Variants in HERPUD2 observed in about 807,000 individuals in gnomAD.
HERPUD2 encodes the protein homocysteine-responsive endoplasmic reticulum-resident ubiquitin-like domain member 2 protein.
HERPUD2 carries 13 observed loss-of-function variants against 49.9 expected under a neutral mutation model. The observed-to-expected ratio is 0.26, with a 90% CI of 0.17 to 0.41. The LOEUF (loss-of-function observed/expected upper bound fraction) is 0.41. HERPUD2 is among the 10% of genes least tolerant of loss of function. The pLI is 1.00. For missense variants in HERPUD2, 449 were observed against 492.2 expected, an observed-to-expected ratio of 0.91 and a Z score of 0.83; for synonymous variants, 172 against 171.4, an observed-to-expected ratio of 1.00 and a Z score of -0.03.
chr7:35,675,084 G>T (rs187283249), intron 2 of HERPUD2, among the ~76,000 whole-genome samples: 3 of 152,142 alleles, frequency 2.0e-5, no homozygotes, highest in Admixed American at 6.5e-5. Flanking sequence ...ACATATGAAG[G>T]GGGGCAGTCT....
At chr7:35,649,831 G>A (rs1462367153) in intron 5 of HERPUD2, among the ~76,000 whole-genome samples, 1 of 152,150 alleles carries the variant, frequency 6.6e-6, no homozygotes, top group African/African-American at 2.4e-5. Context: ...CTTAAGGTCT[G>A]TGTTGATGTT....
chr7:35,633,718 G>A lies in HERPUD2; in HGVS notation c.1193C>T (p.Pro398Leu), dbSNP rs1180564001. Residue 398 changes from proline (P) to leucine (L), a missense_variant, in exon 9 of 9, where the codon CCA becomes CTA. Pro to Leu is a moderately conservative substitution (Grantham distance 98). Coordinates refer to ENST00000311350, the MANE Select transcript of HERPUD2 (RefSeq NM_022373.5). ...FITTFFTSLI[P>L]EGPPQVAN ...ATTGGCAACCTGGGGAGGCCCCTCT[G>A]GTATTAGTGAAGTAAAGAAGGTGGT... The A allele has an allele frequency of 6.2e-7, 1 of 1,613,816 alleles. No homozygotes were observed. Among genetic ancestry groups the A allele is most frequent in the Admixed American group, 1.7e-5 (1 of 59,996 alleles).
chr7:35,684,970 G>C (rs1466349305), intron 2 of HERPUD2, among the ~76,000 whole-genome samples: 10 of 152,124 alleles, frequency 6.6e-5, no homozygotes. Context: ...GCCAGGCATG[G>C]TTTCTCACAC....
chr7:35,665,445 C>T (rs1364380252), intron 5 of HERPUD2, among the ~76,000 whole-genome samples: 1 of 152,190 alleles, frequency 6.6e-6, no homozygotes, highest in Non-Finnish European at 1.5e-5. Flanking sequence ...TCCTGGTGAG[C>T]CGTTTGCTAA....
rs539869005 is a variant in HERPUD2 at position 35,654,916 on chromosome 7, G to A, written c.494+12518C>T. 1.4e-4 allele frequency among the ~76,000 whole-genome samples: 22 copies of A among 152,196 alleles called. No homozygotes were observed. In the South Asian group the frequency reaches 4.1e-3, roughly 29 times the overall value. ...GTTGCCCAGGCTGAAGTGCAGTGGC[G>A]CAATCTCAGCTCACTGCAACATCCA... is the stretch of plus-strand genomic sequence containing the variant. On this transcript the variant is annotated intron_variant, in intron 5 of 8. Transcript: ENST00000311350.
intron 7 of HERPUD2, among the ~76,000 whole-genome samples, 157 bp from the exon 8 acceptor site, chr7:35,634,586 C>G (rs1784840365): frequency 6.6e-6 from 1 of 152,152 alleles, no homozygotes; most frequent in Non-Finnish European, 1.5e-5. Context: ...CTACCCTTTT[C>G]AAAGCAACGA....
chr7:35,653,419 T>C (rs1329165905), intron 5 of HERPUD2, among the ~76,000 whole-genome samples: 4 of 152,210 alleles, frequency 2.6e-5, no homozygotes, highest in Non-Finnish European at 5.9e-5. Flanking sequence ...CACTCAGCTC[T>C]ATCAAGAAAA....
At chr7:35,682,357 GTA>G (rs3052526) in intron 2 of HERPUD2, among the ~76,000 whole-genome samples, 664 of 25,802 alleles carry the variant, frequency 0.026, 122 homozygotes, top group Non-Finnish European at 0.036. Context: ...GTGTGTGTGT[GTA>G]TATATATATA....
chr7:35,684,510 T>G (rs1416744248), intron 2 of HERPUD2, among the ~76,000 whole-genome samples: 3 of 140,782 alleles, frequency 2.1e-5, no homozygotes, highest in Admixed American at 7.4e-5. Flanking sequence ...ATAAAGAAAC[T>G]GTGAGAGACA....
At chr7:35,638,288 A>G in intron 6 of HERPUD2, 62 bp downstream of exon 6, 1 of 1,463,768 alleles carries the variant, frequency 6.8e-7, no homozygotes, top group Non-Finnish European at 9.3e-7. Context: ...TACTTAGGAT[A>G]AAAAGAAAAT....
chr7:35,637,064 C>T (rs558841341), intron 6 of HERPUD2, among the ~76,000 whole-genome samples: 2 of 151,646 alleles, frequency 1.3e-5, no homozygotes, highest in East Asian at 1.9e-4. Context: ...ACCCGGGAGG[C>T]GGAGGTTGCA....
In HERPUD2 at chr7:35,635,128, C is replaced by G. The variant is rs777457788; in HGVS notation, c.941+7G>C. The G allele has an allele frequency of 6.2e-6, 10 of 1,603,668 alleles. No individual in the cohort carries two copies. Among genetic ancestry groups the G allele is most frequent in the Non-Finnish European group, 8.5e-6 (10 of 1,171,094 alleles). On this transcript the variant is annotated splice_region_variant and intron_variant, in intron 7 of 8. Coordinates refer to ENST00000311350, the MANE Select transcript of HERPUD2 (RefSeq NM_022373.5). ...TAAACCACAAAAAGTTAATGAACATCACTCACAAATAAACCAGTAGCATGG... is the reference window on the plus strand; with the variant it reads ...TAAACCACAAAAAGTTAATGAACATGACTCACAAATAAACCAGTAGCATGG...
intron 2 of HERPUD2, among the ~76,000 whole-genome samples, chr7:35,686,718 C>CAAA (rs1355835861): frequency 0.15 from 585 of 3,792 alleles, 151 homozygotes; most frequent in Non-Finnish European, 0.21. Context: ...CACTCCGTCT[C>CAAA]AAAAAAAAAA....
intron 2 of HERPUD2, among the ~76,000 whole-genome samples, chr7:35,690,744 G>A (rs186563258): frequency 6.6e-6 from 1 of 152,250 alleles, no homozygotes; most frequent in Non-Finnish European, 1.5e-5. Context: ...GGGAGGCAGA[G>A]GTTGCAGTGA....
chr7:35,637,550 T>C (rs1784891335), intron 6 of HERPUD2, among the ~76,000 whole-genome samples: 2 of 152,010 alleles, frequency 1.3e-5, no homozygotes, highest in South Asian at 4.1e-4. Flanking sequence ...ATGGAAATCT[T>C]CCAACAATAA....
intron 7 of HERPUD2, among the ~76,000 whole-genome samples, chr7:35,634,696 T>C (rs972705986): frequency 6.6e-6 from 1 of 152,190 alleles, no homozygotes; most frequent in Non-Finnish European, 1.5e-5. Context: ...TCTTTTCTGG[T>C]ACTTTTCAAA....
In HERPUD2 at chr7:35,633,491, T is replaced by TGAA; in HGVS notation, c.*198_*199insTTC. 1 of 284,450 alleles carries TGAA rather than the reference T, an allele frequency of 3.5e-6. No individual in the cohort carries two copies. The highest frequency in any genetic ancestry group is 6.3e-5 in the East Asian group (1 of 15,934). 17.6% of individuals were successfully genotyped at this position (284,450 alleles called of 1,614,324 possible). On this transcript the variant is annotated 3_prime_UTR_variant, in exon 9 of 9. Coordinates refer to ENST00000311350, the MANE Select transcript of HERPUD2 (RefSeq NM_022373.5). ...TTACGCTATGTTCTGTTAGGATCTTTAAAAAAAAAAAAAAAAAACTCAGAT... is the reference window on the plus strand; with the variant it reads ...TTACGCTATGTTCTGTTAGGATCTTTGAAAAAAAAAAAAAAAAAAAACTCAGAT...
intron 5 of HERPUD2, among the ~76,000 whole-genome samples, chr7:35,661,734 G>T (rs1785426461): frequency 1.3e-5 from 2 of 152,196 alleles, no homozygotes; most frequent in South Asian, 4.1e-4. Flanking sequence ...TGTATCCTGA[G>T]ACTTTGCTGA....
chr7:35,658,871 C>T (rs1470002923), intron 5 of HERPUD2, among the ~76,000 whole-genome samples: 1 of 152,154 alleles, frequency 6.6e-6, no homozygotes, highest in Non-Finnish European at 1.5e-5. Flanking sequence ...TTCTCAGGAG[C>T]TAGGTAGGCA....
Sources: allele counts gnomAD v4.1 joint callset (sites outside exome capture counted in the v4.1 genomes callset), GRCh38; gene constraint gnomAD v4.1.1; transcripts MANE v1.5; gene names NCBI Gene and HGNC (gene_info 2026-07-23, HGNC 2026-07-21).